MARK1: variants seen among roughly 807,000 people sequenced by gnomAD.
The protein encoded by MARK1 is microtubule affinity regulating kinase 1.
A neutral mutation model predicts 96.3 loss-of-function variants in MARK1; 40 were observed. That is an observed-to-expected ratio of 0.42 (90% CI 0.32 to 0.54). MARK1 has a LOEUF of 0.54. Ranked by LOEUF, MARK1 falls within the 20% of genes least tolerant of loss-of-function variation. MARK1 has a pLI of 0.16. For missense variants in MARK1, 719 were observed against 984.6 expected, an observed-to-expected ratio of 0.73 and a Z score of 3.61; for synonymous variants, 317 against 341.2, an observed-to-expected ratio of 0.93 and a Z score of 0.78.
intron 3 of MARK1, among the ~76,000 whole-genome samples, chr1:220,597,876 A>G (rs1214734904): frequency 1.3e-5 from 2 of 152,288 alleles, no homozygotes; most frequent in East Asian, 3.9e-4. Flanking sequence ...TAAAAACCTT[A>G]CTGAATCTTT....
At chr1:220,649,928 A>G (rs1230954522) in intron 13 of MARK1, among the ~76,000 whole-genome samples, 4 of 152,210 alleles carry the variant, frequency 2.6e-5, no homozygotes, top group Non-Finnish European at 1.5e-5. Context: ...GGCAGGCACA[A>G]CAGTGGGTTA....
chr1:220,554,225 TTC>T (rs1662083455), intron 1 of MARK1, among the ~76,000 whole-genome samples: 1 of 152,180 alleles, frequency 6.6e-6, no homozygotes. Context: ...TAGTCATTAC[TTC>T]CTGCTCACCA....
intron 1 of MARK1, among the ~76,000 whole-genome samples, chr1:220,538,630 G>C (rs1014104292): frequency 1.3e-5 from 2 of 150,978 alleles, no homozygotes; most frequent in African/African-American, 4.8e-5. Context: ...AGCTTGATGG[G>C]GATGGCATTG....
intron 5 of MARK1, among the ~76,000 whole-genome samples, chr1:220,603,178 C>T (rs761982531): frequency 6.6e-6 from 1 of 151,852 alleles, no homozygotes; most frequent in Non-Finnish European, 1.5e-5. Flanking sequence ...CTATCTGGTA[C>T]AAATTATAAG....
intron 13 of MARK1, among the ~76,000 whole-genome samples, chr1:220,647,069 T>G (rs1668618617): frequency 6.6e-6 from 1 of 152,160 alleles, no homozygotes; most frequent in Non-Finnish European, 1.5e-5. Flanking sequence ...CTAATTAAAC[T>G]AAAGACCTTC....
chr1:220,529,853 T>C lies in MARK1; in HGVS notation c.51+980T>C, dbSNP rs559204967. On this transcript the variant is annotated intron_variant, in intron 1 of 17. Coordinates refer to ENST00000366917, the MANE Select transcript of MARK1 (RefSeq NM_018650.5). ...TTTTGTTTAAAACACTCAAGACCTG[T>C]AAATAGGGCTTGGCTGATTTTCCGA... is the stretch of plus-strand genomic sequence containing the variant. 3.8e-4 allele frequency among the ~76,000 whole-genome samples: 58 copies of C among 152,372 alleles called. No individual in the cohort carries two copies. The South Asian group carries it at 4.1e-3, about 11-fold the overall frequency.
chr1:220,616,699 TC>T (rs1666772381), intron 7 of MARK1, among the ~76,000 whole-genome samples: 2 of 152,074 alleles, frequency 1.3e-5, no homozygotes, highest in African/African-American at 4.8e-5. Context: ...AAAAGTCAAG[TC>T]TAATTCTGTA....
rs1397166470 is a variant in MARK1, at chr1:220,549,499, T to A, written c.51+20626T>A. ...ATTTTTTAAATTTCTGTATTTTACATCATGGATTTATTCCTTTTTATACCA... is the reference window on the plus strand; with the variant it reads ...ATTTTTTAAATTTCTGTATTTTACAACATGGATTTATTCCTTTTTATACCA... On this transcript the variant is annotated intron_variant, in intron 1 of 17. Coordinates refer to ENST00000366917, the MANE Select transcript of MARK1 (RefSeq NM_018650.5). 2.0e-5 allele frequency among the ~76,000 whole-genome samples: 3 copies of A among 152,226 alleles called. No individual in the cohort carries two copies. In the South Asian group the frequency reaches 6.2e-4, roughly 32 times the overall value.
chr1:220,650,888 A>T (rs535889431), intron 14 of MARK1, among the ~76,000 whole-genome samples, 168 bp downstream of exon 14: 1 of 152,380 alleles, frequency 6.6e-6, no homozygotes, highest in Non-Finnish European at 1.5e-5. Context: ...CCAGGATAGA[A>T]GGATGGGAAA....
chr1:220,608,908 G>A (rs1392665540), intron 6 of MARK1, among the ~76,000 whole-genome samples: 7 of 152,218 alleles, frequency 4.6e-5, no homozygotes, highest in African/African-American at 1.7e-4. Flanking sequence ...TGATTGCACT[G>A]TGGTCTGAGA....
chr1:220,599,083 T>A (rs1312154888), intron 4 of MARK1, among the ~76,000 whole-genome samples: 1 of 152,208 alleles, frequency 6.6e-6, no homozygotes, highest in Non-Finnish European at 1.5e-5. Flanking sequence ...ATCATAGGTT[T>A]ACAGGCAAAA....
chr1:220,638,019 T>G (rs749159854), intron 13 of MARK1, among the ~76,000 whole-genome samples: 4 of 152,160 alleles, frequency 2.6e-5, no homozygotes, highest in African/African-American at 4.8e-5. Context: ...TTTTAGTCTG[T>G]GGAACAGATG....
intron 1 of MARK1, among the ~76,000 whole-genome samples, chr1:220,535,380 G>C (rs1660615879): frequency 6.6e-6 from 1 of 152,040 alleles, no homozygotes; most frequent in African/African-American, 2.4e-5. Flanking sequence ...GTCTTCTTTA[G>C]AGAAATGTCT....
In MARK1 at chr1:220,663,289, C is replaced by T. The variant is rs1669578558; in HGVS notation, c.*1123C>T. The T allele has an allele frequency of 6.6e-6, 1 of 152,442 alleles. No individual in the cohort carries two copies. The highest frequency in any genetic ancestry group is 2.1e-4 in the South Asian group (1 of 4,820). The allele number at this position is 152,442 out of a possible 1,614,324, so 9.4% of individuals were successfully genotyped here. A position where few individuals can be genotyped will look rare whatever the true frequency, so the allele number is the denominator to read the frequency against. ...CTTATGTGGTTGTTCAGTTTGTTCC[C>T]ATGTAACTCGTTTGTTTTAAATATT... is the stretch of plus-strand genomic sequence containing the variant. On this transcript the variant is annotated 3_prime_UTR_variant, in exon 18 of 18. Transcript: ENST00000366917.
rs1668816124 is a variant in MARK1, at chr1:220,650,560, T to C, written c.1471-60T>C. 8.2e-6 allele frequency: 9 copies of C among 1,100,470 alleles called. No homozygotes were observed. The South Asian group carries it at 1.2e-4, about 15-fold the overall frequency. 68.2% of individuals were successfully genotyped at this position (1,100,470 alleles called of 1,614,324 possible). On this transcript the variant is annotated intron_variant, in intron 13 of 17. Transcript: ENST00000366917. Reference sequence around the variant, plus strand: ...TTCTCAAAGTCAGCTTAAATACATTTCTTTGGCTTTCCACAAATATATTTA... The same window carrying C: ...TTCTCAAAGTCAGCTTAAATACATTCCTTTGGCTTTCCACAAATATATTTA...
intron 17 of MARK1, among the ~76,000 whole-genome samples, chr1:220,660,941 A>C (rs989269808): frequency 1.3e-5 from 2 of 152,234 alleles, no homozygotes; most frequent in Non-Finnish European, 2.9e-5. Context: ...AGAATGTGTA[A>C]GTGCTATCAA....
chr1:220,587,335 CTCTCTCTCTCTCTCTCTG>C (rs1425934356), intron 3 of MARK1, among the ~76,000 whole-genome samples: 1 of 142,554 alleles, frequency 7.0e-6, no homozygotes, highest in Non-Finnish European at 1.5e-5. Context: ...TTCTTTCTCT[CTCTCTCTCTCTCTCTCTG>C]TCTCTCTCTC....
chr1:220,599,873 A>G lies in MARK1; in HGVS notation c.424+10A>G. 3 of 1,591,276 alleles carry G rather than the reference A, an allele frequency of 1.9e-6. No homozygotes were observed. Among genetic ancestry groups the G allele is most frequent in the Admixed American group, 1.7e-5 (1 of 57,496 alleles). ...GAATACGCGAGTGGGGGTAAGAATGAGGGTGATTGAAAAGTTCTCTTTGCT... is the reference window on the plus strand; with the variant it reads ...GAATACGCGAGTGGGGGTAAGAATGGGGGTGATTGAAAAGTTCTCTTTGCT... On this transcript the variant is annotated intron_variant, in intron 5 of 17. Coordinates refer to ENST00000366917, the MANE Select transcript of MARK1 (RefSeq NM_018650.5).
At chr1:220,553,090 G>A (rs1661981222) in intron 1 of MARK1, among the ~76,000 whole-genome samples, 1 of 152,126 alleles carries the variant, frequency 6.6e-6, no homozygotes, top group Admixed American at 6.6e-5. Context: ...GTATGTACAT[G>A]GGAAACAGTG....
Sources: gnomAD v4.1 joint callset for allele counts (sites outside exome capture counted in the v4.1 genomes callset) on GRCh38, gnomAD v4.1.1 for gene constraint, MANE v1.5 for transcripts, NCBI Gene and HGNC (gene_info 2026-07-23, HGNC 2026-07-21) for gene names.